TCERG1: variants seen among roughly 807,000 people sequenced by gnomAD.
TCERG1 encodes TATA box binding protein (TBP)-associated factor, RNA polymerase II, S, 150kD.
Under a neutral mutation model 144.7 loss-of-function variants are expected in TCERG1, and 37 were observed. The observed-to-expected ratio is 0.26, with a 90% CI of 0.20 to 0.34. TCERG1 has a LOEUF of 0.34. Among genes scored for constraint, TCERG1 ranks in the 10% least tolerant of loss-of-function variants. The probability of loss-of-function intolerance (pLI) is 1.00; values close to 1 mark genes in which losing one functional copy is unlikely to be tolerated. For missense variants in TCERG1, 1,027 were observed against 1,380.7 expected (o/e 0.74, Z 4.06); for synonymous variants, 492 against 458.2 (o/e 1.07, Z -0.94).
At chr5:146,496,780 C>T (rs1167910954) in intron 16 of TCERG1, among the ~76,000 whole-genome samples, 1 of 151,366 alleles carries the variant, frequency 6.6e-6, no homozygotes, top group Non-Finnish European at 1.5e-5. Flanking sequence ...TGGGCTTAAG[C>T]AGTCATCCTG....
chr5:146,509,953 G>A (rs756209926), intron 22 of TCERG1: 94 of 890,000 alleles, frequency 1.1e-4, no homozygotes, highest in Non-Finnish European at 1.4e-4. Context: ...TGCTGAGGGT[G>A]TGGTTTTTAG....
At chr5:146,509,412 C>CT (rs375876511) in intron 22 of TCERG1, among the ~76,000 whole-genome samples, 167 bp downstream of exon 22, 18,030 of 140,586 alleles carry the variant, frequency 0.13, 1,321 homozygotes, top group African/African-American at 0.21. Context: ...ATCTACCATA[C>CT]TTTTTTTTTT....
intron 5 of TCERG1, among the ~76,000 whole-genome samples, chr5:146,464,207 T>G (rs956557830): frequency 6.6e-6 from 1 of 152,228 alleles, no homozygotes; most frequent in African/African-American, 2.4e-5. Context: ...ACTCCTTTAA[T>G]TTTTACAACC....
intron 17 of TCERG1, among the ~76,000 whole-genome samples, chr5:146,500,468 C>T (rs1239122749): frequency 1.3e-5 from 2 of 151,888 alleles, no homozygotes; most frequent in Non-Finnish European, 2.9e-5. Context: ...TAGCATGGTA[C>T]GAGAGTTTAT....
intron 15 of TCERG1, among the ~76,000 whole-genome samples, chr5:146,487,940 T>C (rs1766003662): frequency 6.6e-6 from 1 of 151,992 alleles, no homozygotes; most frequent in Non-Finnish European, 1.5e-5. Context: ...ACTCAGAAAT[T>C]AATCCATATA....
chr5:146,472,267 T>G (rs1764387212), intron 9 of TCERG1, among the ~76,000 whole-genome samples: 2 of 152,216 alleles, frequency 1.3e-5, no homozygotes, highest in Non-Finnish European at 2.9e-5. Context: ...TCCACTATCT[T>G]GTGCTTCATA....
chr5:146,509,225 G>C lies in TCERG1; in HGVS notation c.3126G>C (p.Glu1042Asp). 1 of 1,608,314 alleles carries C rather than the reference G, an allele frequency of 6.2e-7. No individual in the cohort carries two copies. Among genetic ancestry groups the C allele is most frequent in the East Asian group, 2.2e-5 (1 of 44,684 alleles). Residue 1042 changes from glutamate (E) to aspartate (D), a missense_variant, in exon 22 of 23, where the codon GAG becomes GAC. Physicochemically the swap from Glu to Asp is conservative, Grantham distance 45. This residue lies in a region of TCERG1 where 133 missense variants were observed against 283.2 expected (regional missense o/e 0.47). Transcript: ENST00000679501. The part of the protein sequence containing the change: ...AKADFRTLLK[E>D]TKFITYRSKK... ...CTGACTTCAGGACGCTTTTGAAAGA[G>C]ACCAAATTTATAACATATAGGTGTG...
intron 15 of TCERG1, among the ~76,000 whole-genome samples, chr5:146,485,277 A>G (rs1417660892): frequency 6.6e-6 from 1 of 152,152 alleles, no homozygotes; most frequent in Non-Finnish European, 1.5e-5. Context: ...CTTCTAATCA[A>G]TCTAAGTATT....
intron 9 of TCERG1, among the ~76,000 whole-genome samples, chr5:146,471,848 C>T (rs993776800): frequency 1.3e-4 from 20 of 152,238 alleles, no homozygotes; most frequent in African/African-American, 4.3e-4. Flanking sequence ...CCGCCCGCCT[C>T]GGCCTCCCAA....
rs140816235 is a variant in TCERG1 at position 146,459,030 on chromosome 5, G to T, written c.585G>T (p.Ala195=). The T allele has an allele frequency of 6.2e-7, 1 of 1,606,214 alleles. No homozygotes were observed. Among genetic ancestry groups the T allele is most frequent in the Non-Finnish European group, 8.5e-7 (1 of 1,176,218 alleles). Reference sequence around the variant, plus strand: ...CCCAGGCGCAGGCTCAGGCCCAGGCGCAGGCTCAGGCCCAGGCACAAGCTC... The same window carrying T: ...CCCAGGCGCAGGCTCAGGCCCAGGCTCAGGCTCAGGCCCAGGCACAAGCTC... ...AQAQAQAQAQ[A]QAQAQAQAQA... is the part of the protein sequence containing the mutation. Residue 195 remains alanine (A), a synonymous_variant, in exon 4 of 23, where the codon GCG becomes GCT. Transcript: ENST00000679501.
chr5:146,454,859 A>G (rs538271169), intron 1 of TCERG1, among the ~76,000 whole-genome samples, 197 bp from the exon 2 acceptor site: 2 of 152,170 alleles, frequency 1.3e-5, no homozygotes, highest in African/African-American at 2.4e-5. Context: ...TGACCTCCCA[A>G]AGTGCTGGGA....
chr5:146,454,664 C>T (rs1389924700), intron 1 of TCERG1, among the ~76,000 whole-genome samples: 1 of 151,988 alleles, frequency 6.6e-6, no homozygotes, highest in Non-Finnish European at 1.5e-5. Flanking sequence ...GTGGCTTGAT[C>T]TTGGCTCATT....
intron 21 of TCERG1, 21 bp from the exon 22 acceptor site, chr5:146,509,124 C>CT (rs748811806): frequency 0.14 from 140,119 of 997,652 alleles, 2 homozygotes; most frequent in South Asian, 0.16. Flanking sequence ...ATAATCTCAA[C>CT]TTTTTTTTTT....
intron 1 of TCERG1, among the ~76,000 whole-genome samples, chr5:146,448,933 C>T (rs1009039796): frequency 2.0e-5 from 3 of 152,088 alleles, no homozygotes; most frequent in Admixed American, 1.3e-4. Context: ...TTAAAAAAAT[C>T]CAAATGGCTT....
At chr5:146,459,914 T>G (rs1251668276) in intron 4 of TCERG1, among the ~76,000 whole-genome samples, 1 of 152,144 alleles carries the variant, frequency 6.6e-6, no homozygotes, top group African/African-American at 2.4e-5. Flanking sequence ...TTAGGAAACT[T>G]CTGAGGTGAG....
chr5:146,480,125 G>T, intron 12 of TCERG1, 31 bp downstream of exon 12: 1 of 1,511,476 alleles, frequency 6.6e-7, no homozygotes, highest in Non-Finnish European at 9.0e-7. Flanking sequence ...GATTGAGGTA[G>T]ATTATATCTT....
intron 9 of TCERG1, among the ~76,000 whole-genome samples, chr5:146,478,086 T>TAA (rs1343299243): frequency 6.6e-6 from 1 of 152,182 alleles, no homozygotes; most frequent in Admixed American, 6.5e-5. Context: ...TTTGGTTTGT[T>TAA]AAGAAATATT....
chr5:146,503,685 A>T, intron 18 of TCERG1, 139 bp from the exon 19 acceptor site: 1 of 1,346,906 alleles, frequency 7.4e-7, no homozygotes, highest in Non-Finnish European at 1.0e-6. Context: ...GTTGATTTGG[A>T]GATGAGAGGT....
chr5:146,457,428 T>A, intron 3 of TCERG1, 93 bp downstream of exon 3: 2 of 1,236,664 alleles, frequency 1.6e-6, no homozygotes, highest in Non-Finnish European at 2.2e-6. Flanking sequence ...TACTGTCATT[T>A]AAGAATGAGC....
Sources: allele counts gnomAD v4.1 joint callset (sites outside exome capture counted in the v4.1 genomes callset), GRCh38; gene constraint gnomAD v4.1.1; regional missense constraint gnomAD v4.1.1; transcripts MANE v1.5; gene names NCBI Gene and HGNC (gene_info 2026-07-23, HGNC 2026-07-21).